HIPK2: variants seen among roughly 807,000 people sequenced by gnomAD.
The protein encoded by HIPK2 is homeodomain-interacting protein kinase 2.
HIPK2 carries 27 observed loss-of-function variants against 113.7 expected under a neutral mutation model. The observed-to-expected ratio is 0.24, with a 90% CI of 0.17 to 0.33. HIPK2 has a LOEUF of 0.33. HIPK2 is among the 10% of genes least tolerant of loss of function. The probability of loss-of-function intolerance (pLI) is 1.00; values close to 1 mark genes in which losing one functional copy is unlikely to be tolerated. For synonymous variants in HIPK2, 631 were observed against 642.2 expected, an observed-to-expected ratio of 0.98 and a Z score of 0.26; for missense variants, 1,257 against 1,588.0, an observed-to-expected ratio of 0.79 and a Z score of 3.54.
At chr7:139,755,595 A>G (rs1338506958) in intron 1 of HIPK2, among the ~76,000 whole-genome samples, 2 of 152,204 alleles carry the variant, frequency 1.3e-5, no homozygotes, top group Non-Finnish European at 1.5e-5. Context: ...TTCTCCCTCA[A>G]TGGAACTGTA....
intron 1 of HIPK2, among the ~76,000 whole-genome samples, chr7:139,762,637 C>G (rs534502042): frequency 6.6e-6 from 1 of 152,328 alleles, no homozygotes; most frequent in Admixed American, 6.5e-5. Context: ...TGAAGATATA[C>G]TATACACTCT....
At chr7:139,678,536 T>TA (rs955695927) in intron 2 of HIPK2, among the ~76,000 whole-genome samples, 9 of 152,260 alleles carry the variant, frequency 5.9e-5, no homozygotes, top group African/African-American at 2.2e-4. Context: ...TTGGTCTATA[T>TA]AACTGTTTTG....
rs559829078 is a variant in HIPK2 at position 139,753,361 on chromosome 7, A to G, written c.19+24244T>C. Among the ~76,000 whole-genome samples, 215 of 152,312 alleles carry G rather than the reference A, an allele frequency of 1.4e-3. 1 individual carries two copies. Among genetic ancestry groups the G allele is most frequent in the African/African-American group, 4.7e-3 (195 of 41,562 alleles). On this transcript the variant is annotated intron_variant, in intron 1 of 14. Transcript: ENST00000406875. ...GAACTGGAGATCAGAGGGGACCAGCAACCACGGGAGCCTTCCTACATGTCA... is the reference window on the plus strand; with the variant it reads ...GAACTGGAGATCAGAGGGGACCAGCGACCACGGGAGCCTTCCTACATGTCA...
At chr7:139,639,774 G>A (rs915615425) in intron 2 of HIPK2, among the ~76,000 whole-genome samples, 4 of 152,246 alleles carry the variant, frequency 2.6e-5, no homozygotes, top group African/African-American at 9.6e-5. Context: ...TAGAAGGAAT[G>A]AGTCTATGTC....
chr7:139,773,872 T>C (rs1796694506), intron 1 of HIPK2, among the ~76,000 whole-genome samples: 1 of 152,186 alleles, frequency 6.6e-6, no homozygotes, highest in Non-Finnish European at 1.5e-5. Context: ...TTATCTTTCA[T>C]ACTTGGGGAT....
At chr7:139,730,563 G>A (rs191411264) in intron 1 of HIPK2, among the ~76,000 whole-genome samples, 48 of 152,230 alleles carry the variant, frequency 3.2e-4, no homozygotes, top group Non-Finnish European at 6.5e-4. Context: ...GTTTCACCAT[G>A]TTGGCCAGGC....
chr7:139,670,877 C>G (rs1249471728), intron 2 of HIPK2, among the ~76,000 whole-genome samples: 1 of 149,566 alleles, frequency 6.7e-6, no homozygotes, highest in Non-Finnish European at 1.5e-5. Flanking sequence ...AATTCTGCCT[C>G]AGCCACCCTA....
chr7:139,738,442 C>G (rs948757686), intron 1 of HIPK2, among the ~76,000 whole-genome samples: 1 of 152,202 alleles, frequency 6.6e-6, no homozygotes, highest in Non-Finnish European at 1.5e-5. Flanking sequence ...GACTGAGGAA[C>G]TGAATGTAAA....
chr7:139,750,622 A>G (rs184341183), intron 1 of HIPK2, among the ~76,000 whole-genome samples: 2 of 152,324 alleles, frequency 1.3e-5, no homozygotes, highest in African/African-American at 4.8e-5. Context: ...AAGAAGAAGT[A>G]CTCAGACCTG....
intron 1 of HIPK2, 79 bp downstream of exon 1, chr7:139,777,526 C>A (rs1201622922): frequency 3.2e-6 from 2 of 624,964 alleles, no homozygotes; most frequent in East Asian, 1.2e-4. Context: ...GCTGCGGGCG[C>A]GGGGCCGCGG....
At chr7:139,772,661 G>C (rs10228448) in intron 1 of HIPK2, among the ~76,000 whole-genome samples, 15,982 of 151,938 alleles carry the variant, frequency 0.11, 2,778 homozygotes, top group African/African-American at 0.37. Flanking sequence ...AATCTCAGCT[G>C]ACTGCAACCT....
chr7:139,659,357 T>C (rs972740957), intron 2 of HIPK2, among the ~76,000 whole-genome samples: 15 of 152,354 alleles, frequency 9.8e-5, no homozygotes, highest in Middle Eastern at 3.4e-3. Flanking sequence ...CATAATTTAA[T>C]AACATCCGAT....
rs560345412 is a variant in HIPK2, at chr7:139,573,341, G to A, written c.3183C>T (p.Tyr1061=). ...RTGSHRRQQA[Y]ITPTMAQAPY... ...GAGCCTGGGCCATGGTGGGAGTGAT[G>A]TAGGCCTGCTGCCTTCGGTGGCTCC... Residue 1061 remains tyrosine (Y), a synonymous_variant, in exon 15 of 15, where the codon TAC becomes TAT. Transcript: ENST00000406875. The A allele has an allele frequency of 5.1e-5, 82 of 1,605,826 alleles. No individual in the cohort carries two copies. In the South Asian group the frequency reaches 7.2e-4, roughly 14 times the overall value.
chr7:139,711,130 T>C (rs1010456676), intron 2 of HIPK2, among the ~76,000 whole-genome samples: 10 of 150,292 alleles, frequency 6.7e-5, no homozygotes, highest in Non-Finnish European at 1.3e-4. Context: ...CCCCAAAGAA[T>C]CAGACAAAAA....
chr7:139,742,269 G>A (rs1442379649), intron 1 of HIPK2, among the ~76,000 whole-genome samples: 6 of 152,174 alleles, frequency 3.9e-5, no homozygotes, highest in African/African-American at 9.6e-5. Context: ...TTCCATGAAG[G>A]AGGCCATGCT....
In HIPK2 at chr7:139,739,934, G is replaced by A. The variant is rs1033986021; in HGVS notation, c.20-22919C>T. 7.9e-5 allele frequency among the ~76,000 whole-genome samples: 12 copies of A among 152,174 alleles called. No individual in the cohort carries two copies. The East Asian group carries it at 1.9e-3, about 24-fold the overall frequency. ...AAATAATATTCAGTGGACTATTACT[G>A]CACACTTTGTGTATCCACTTGTCAG... On this transcript the variant is annotated intron_variant, in intron 1 of 14. Coordinates refer to ENST00000406875, the MANE Select transcript of HIPK2 (RefSeq NM_022740.5).
At chr7:139,604,257 T>C (rs774704387) in intron 9 of HIPK2, 34 bp from the exon 10 acceptor site, 7 of 1,575,558 alleles carry the variant, frequency 4.4e-6, no homozygotes, top group South Asian at 2.4e-5. Context: ...ATGACCATGT[T>C]TGCTAATCAC....
intron 1 of HIPK2, among the ~76,000 whole-genome samples, chr7:139,758,578 C>T (rs1422058565): frequency 3.9e-5 from 6 of 152,150 alleles, no homozygotes; most frequent in Non-Finnish European, 7.4e-5. Flanking sequence ...TGAGCATTAC[C>T]GGCTGAGCTC....
intron 1 of HIPK2, among the ~76,000 whole-genome samples, chr7:139,756,040 T>A (rs1314695577): frequency 7.9e-5 from 12 of 152,242 alleles, no homozygotes; most frequent in Non-Finnish European, 1.6e-4. Flanking sequence ...TCTGTCCCAT[T>A]TAACCAATGA....
Sources: gnomAD v4.1 joint callset for allele counts (sites outside exome capture counted in the v4.1 genomes callset) on GRCh38, gnomAD v4.1.1 for gene constraint, MANE v1.5 for transcripts, NCBI Gene and HGNC (gene_info 2026-07-23, HGNC 2026-07-21) for gene names.